Variants in POR observed in about 807,000 individuals in gnomAD.
POR encodes cytochrome p450 oxidoreductase.
POR carries 56 observed loss-of-function variants against 84.0 expected under a neutral mutation model. That is an observed-to-expected ratio of 0.67 (90% CI 0.54 to 0.83). The LOEUF (loss-of-function observed/expected upper bound fraction) is 0.83, where lower values mean the gene tolerates loss of function less well. POR is among the 40% of genes least tolerant of loss of function. The pLI, the probability that POR is intolerant of heterozygous loss-of-function variation, is 0.00. For synonymous variants in POR, 414 were observed against 400.5 expected (o/e 1.03, Z -0.40); for missense variants, 938 against 944.3 (o/e 0.99, Z 0.09).
rs558340290 is a variant in POR at position 75,985,585 on chromosome 7, C to G, written c.1405C>G (p.Pro469Ala). ...CACACGGCCCTCCCCACAGGTCCAC[C>G]CCAACTCTGTGCACATCTGTGCGGT... Residue 469 changes from proline to alanine, a missense_variant, in exon 13 of 16, where the codon CCC becomes GCC. Transcript: ENST00000461988. 23 of 1,550,674 alleles carry G rather than the reference C, an allele frequency of 1.5e-5. No homozygotes were observed. The Admixed American group carries it at 3.8e-4, about 25-fold the overall frequency.
intron 10 of POR, among the ~76,000 whole-genome samples, chr7:75,984,480 G>T (rs1789283461): frequency 6.6e-6 from 1 of 152,216 alleles, no homozygotes; most frequent in African/African-American, 2.4e-5. Flanking sequence ...CCTGGGCGGG[G>T]CTGTGTCAGA....
chr7:75,980,221 C>G, intron 4 of POR, 118 bp from the exon 5 acceptor site: 1 of 1,233,478 alleles, frequency 8.1e-7, no homozygotes, highest in South Asian at 1.5e-5. Context: ...CCACGACACT[C>G]AGACATCCCT....
rs1554557656 is a variant in POR at position 75,980,732 on chromosome 7, G to C, written c.516+244G>C. 6.7e-6 allele frequency: 10 copies of C among 1,501,292 alleles called. 1 individual carries two copies. In the South Asian group the frequency reaches 1.1e-4, roughly 17 times the overall value. The allele number at this position is 1,501,292 out of a possible 1,614,324, so 93.0% of individuals were successfully genotyped here. A position where few individuals can be genotyped will look rare whatever the true frequency, so the allele number is the denominator to read the frequency against. Reference sequence around the variant, plus strand: ...GTGCTGGAGACTAAAGGCAAGAAAGGTCTGGCTGGACGACTGAGACCTGCC... The same window carrying C: ...GTGCTGGAGACTAAAGGCAAGAAAGCTCTGGCTGGACGACTGAGACCTGCC... On this transcript the variant is annotated intron_variant, in intron 5 of 15. Coordinates refer to ENST00000461988, the MANE Select transcript of POR (RefSeq NM_000941.3).
rs1554556388 is a variant in POR at position 75,972,758 on chromosome 7, A to G, written c.237+297A>G. On this transcript the variant is annotated intron_variant, in intron 3 of 15. Coordinates refer to ENST00000461988, the MANE Select transcript of POR (RefSeq NM_000941.3). ...CCCGTCTGGCCCTGGCCTGTCCAGG[A>G]GCAGAGGTAAATCTCACAGAGCTGC... 4 of 482,374 alleles carry G rather than the reference A, an allele frequency of 8.3e-6. No individual in the cohort carries two copies. The Admixed American group carries it at 1.0e-4, about 12-fold the overall frequency. The allele number at this position is 482,374 out of a possible 1,614,324, so 29.9% of individuals were successfully genotyped here.
At position 75,972,563 on chromosome 7, in the gene POR, C is replaced by T. The variant is rs782735790; in HGVS notation, c.237+102C>T. On this transcript the variant is annotated intron_variant, in intron 3 of 15. Transcript: ENST00000461988. ...CTGGCGTCACCGCATAGAGGATGTCCCGGTGGCCAGGAGAGGGAACGCAGC... is the reference window on the plus strand; with the variant it reads ...CTGGCGTCACCGCATAGAGGATGTCTCGGTGGCCAGGAGAGGGAACGCAGC... 1.4e-5 allele frequency: 16 copies of T among 1,175,194 alleles called. No homozygotes were observed. In the African/African-American group the frequency reaches 2.1e-4, roughly 16 times the overall value. 72.8% of individuals were successfully genotyped at this position (1,175,194 alleles called of 1,614,324 possible). A position where few individuals can be genotyped will look rare whatever the true frequency, so the allele number is the denominator to read the frequency against.
chr7:75,946,388 G>A (rs959813035), intron 1 of POR, among the ~76,000 whole-genome samples: 1 of 152,020 alleles, frequency 6.6e-6, no homozygotes, highest in African/African-American at 2.4e-5. Flanking sequence ...CTGGGCTCAG[G>A]TGATCCTCCT....
At chr7:75,966,333 T>C (rs1788181842) in intron 2 of POR, among the ~76,000 whole-genome samples, 1 of 152,142 alleles carries the variant, frequency 6.6e-6, no homozygotes, top group Non-Finnish European at 1.5e-5. Flanking sequence ...CTGTCTGAGC[T>C]CCAGCAAACC....
At chr7:75,972,767 A>G (rs933796363) in intron 3 of POR, 2 of 466,472 alleles carry the variant, frequency 4.3e-6, no homozygotes, top group African/African-American at 2.0e-5. Context: ...GAGCAGAGGT[A>G]AATCTCACAG....
rs536604384 is a variant in POR, at chr7:75,969,550, C to T, written c.189-2863C>T. 7.9e-5 allele frequency among the ~76,000 whole-genome samples: 12 copies of T among 152,354 alleles called. No homozygotes were observed. In the South Asian group the frequency reaches 1.0e-3, roughly 13 times the overall value. ...GCCTGTGTTACCCGCCAGGCACTCACGGGGCACTGGAGTTTGCTCTTGTCC... is the reference window on the plus strand; with the variant it reads ...GCCTGTGTTACCCGCCAGGCACTCATGGGGCACTGGAGTTTGCTCTTGTCC... On this transcript the variant is annotated intron_variant, in intron 2 of 15. Coordinates refer to ENST00000461988, the MANE Select transcript of POR (RefSeq NM_000941.3).
chr7:75,967,593 G>T (rs1383807722), intron 2 of POR, among the ~76,000 whole-genome samples: 1 of 151,854 alleles, frequency 6.6e-6, no homozygotes, highest in African/African-American at 2.4e-5. Flanking sequence ...ATAGCAACCT[G>T]CAGGCTGTCT....
intron 1 of POR, among the ~76,000 whole-genome samples, chr7:75,932,794 T>G (rs1807482539): frequency 1.3e-5 from 2 of 151,838 alleles, no homozygotes; most frequent in Non-Finnish European, 2.9e-5. Flanking sequence ...CCGAGGTGGG[T>G]GGATCACGAG....
intron 3 of POR, among the ~76,000 whole-genome samples, chr7:75,974,607 A>G (rs1193166876): frequency 1.4e-5 from 2 of 147,830 alleles, no homozygotes; most frequent in African/African-American, 5.0e-5. Context: ...GCTCACTGCA[A>G]TCTCCACCTC....
intron 1 of POR, among the ~76,000 whole-genome samples, chr7:75,930,268 C>T (rs1334701978): frequency 6.6e-6 from 1 of 152,020 alleles, no homozygotes; most frequent in African/African-American, 2.4e-5. Context: ...CTCTCTTCTG[C>T]AATTCTGAGT....
intron 10 of POR, among the ~76,000 whole-genome samples, chr7:75,984,400 C>T (rs1208229462): frequency 6.6e-6 from 1 of 152,204 alleles, no homozygotes; most frequent in Non-Finnish European, 1.5e-5. Context: ...CCCACCCCTG[C>T]TTGCCGGTCC....
intron 7 of POR, 69 bp downstream of exon 7, chr7:75,981,675 A>C: frequency 2.2e-6 from 3 of 1,345,424 alleles, no homozygotes; most frequent in Non-Finnish European, 3.1e-6. Context: ...CCACCCTGGA[A>C]CAAGGGCTGG....
At chr7:75,960,416 C>T (rs1206093244) in intron 2 of POR, among the ~76,000 whole-genome samples, 1 of 152,158 alleles carries the variant, frequency 6.6e-6, no homozygotes. Flanking sequence ...CTAAGGGAGC[C>T]CCAGGGAATG....
intron 2 of POR, 25 bp downstream of exon 2, chr7:75,954,205 C>T (rs1787582010): frequency 2.5e-6 from 4 of 1,573,196 alleles, no homozygotes; most frequent in Non-Finnish European, 3.5e-6. Context: ...TCAGCCTCCT[C>T]TCTCTGTCCC....
intron 10 of POR, among the ~76,000 whole-genome samples, chr7:75,984,092 A>G (rs574408042): frequency 6.6e-6 from 1 of 152,186 alleles, no homozygotes; most frequent in East Asian, 1.9e-4. Flanking sequence ...CCTTTAAGGG[A>G]GTGAGGTGCT....
intron 1 of POR, among the ~76,000 whole-genome samples, chr7:75,937,069 C>G (rs762747396): frequency 6.6e-6 from 1 of 151,510 alleles, no homozygotes; most frequent in Admixed American, 6.6e-5. Flanking sequence ...CTTCGTGATC[C>G]GCCTGCCTCG....
Sources: allele counts gnomAD v4.1 joint callset (sites outside exome capture counted in the v4.1 genomes callset), GRCh38; gene constraint gnomAD v4.1.1; transcripts MANE v1.5; gene names NCBI Gene and HGNC (gene_info 2026-07-23, HGNC 2026-07-21).